Variants in ASIC2 observed in about 807,000 individuals in gnomAD.
ASIC2 encodes the protein acid sensing ion channel subunit 2, also known as acid-sensing ion channel 2.
Under a neutral mutation model 57.3 loss-of-function variants are expected in ASIC2, and 25 were observed. That is an observed-to-expected ratio of 0.44 (90% CI 0.32 to 0.61). The LOEUF is 0.61. Among genes scored for constraint, ASIC2 ranks in the 20% least tolerant of loss-of-function variants. The pLI, the probability that ASIC2 is intolerant of heterozygous loss-of-function variation, is 0.06. For missense variants in ASIC2, 641 were observed against 738.1 expected (o/e 0.87, Z 1.52); for synonymous variants, 319 against 307.5 (o/e 1.04, Z -0.39).
intron 1 of ASIC2, among the ~76,000 whole-genome samples, chr17:33,130,083 C>T (rs1034089673): frequency 3.3e-5 from 5 of 152,128 alleles, no homozygotes; most frequent in African/African-American, 1.2e-4. Flanking sequence ...CCTAGTAAAA[C>T]CCCGTGTCTC....
At chr17:33,367,373 C>T (rs1480084472) in intron 1 of ASIC2, among the ~76,000 whole-genome samples, 4 of 152,000 alleles carry the variant, frequency 2.6e-5, no homozygotes, top group South Asian at 4.2e-4. Flanking sequence ...TGGCACTAAC[C>T]CTCTGGCGTT....
intron 1 of ASIC2, among the ~76,000 whole-genome samples, chr17:34,088,609 C>G (rs1387152612): frequency 6.6e-6 from 1 of 152,216 alleles, no homozygotes; most frequent in Admixed American, 6.5e-5. Context: ...TTACTGCTGT[C>G]TTTTTGTTTG....
At chr17:34,039,748 A>T in intron 1 of ASIC2, 1 of 1,612,116 alleles carries the variant, frequency 6.2e-7, no homozygotes, top group Non-Finnish European at 8.5e-7. Context: ...CAAGGATCCG[A>T]CGCTGCACAA....
At chr17:33,091,088 A>G (rs2092155782) in intron 2 of ASIC2, among the ~76,000 whole-genome samples, 1 of 152,198 alleles carries the variant, frequency 6.6e-6, no homozygotes, top group African/African-American at 2.4e-5. Flanking sequence ...ATTCCTCAAG[A>G]GAGACCATAT....
chr17:33,079,721 T>G (rs2092104860), intron 3 of ASIC2, among the ~76,000 whole-genome samples: 1 of 152,102 alleles, frequency 6.6e-6, no homozygotes, highest in African/African-American at 2.4e-5. Context: ...TGGGGGATAA[T>G]AACAGCTAGC....
chr17:33,494,918 C>G (rs1477396510), intron 1 of ASIC2, among the ~76,000 whole-genome samples: 1 of 152,250 alleles, frequency 6.6e-6, no homozygotes, highest in Non-Finnish European at 1.5e-5. Flanking sequence ...CTGGTGGCCT[C>G]TGACCTGCTG....
chr17:33,740,286 C>T (rs138190725), intron 1 of ASIC2, among the ~76,000 whole-genome samples: 36 of 152,336 alleles, frequency 2.4e-4, no homozygotes, highest in Non-Finnish European at 4.6e-4. Context: ...AAAGGACTGC[C>T]AGAAACTGGG....
intron 1 of ASIC2, among the ~76,000 whole-genome samples, chr17:33,690,146 C>G (rs1289480596): frequency 6.6e-6 from 1 of 152,216 alleles, no homozygotes; most frequent in Non-Finnish European, 1.5e-5. Flanking sequence ...GCTTTTTTAA[C>G]TTAAAATTCT....
intron 1 of ASIC2, among the ~76,000 whole-genome samples, chr17:33,289,192 A>G (rs1175981500): frequency 2.0e-5 from 3 of 152,156 alleles, no homozygotes; most frequent in Non-Finnish European, 2.9e-5. Flanking sequence ...TGGGGAATGG[A>G]GGTAATACTT....
chr17:34,089,834 G>C (rs1266302592), intron 1 of ASIC2, among the ~76,000 whole-genome samples: 1 of 152,166 alleles, frequency 6.6e-6, no homozygotes, highest in East Asian at 1.9e-4. Flanking sequence ...CGATGGTCCA[G>C]ATCACTCTCT....
chr17:33,114,076 G>A (rs2092270872), intron 1 of ASIC2, among the ~76,000 whole-genome samples: 1 of 152,226 alleles, frequency 6.6e-6, no homozygotes, highest in Admixed American at 6.5e-5. Flanking sequence ...AGACCTGTAG[G>A]AAGGGGTAGT....
intron 1 of ASIC2, among the ~76,000 whole-genome samples, chr17:33,975,728 T>A (rs1905363042): frequency 6.6e-6 from 1 of 152,130 alleles, no homozygotes; most frequent in Non-Finnish European, 1.5e-5. Flanking sequence ...TCTCTTTGGT[T>A]TGGCTCCCAC....
chr17:34,059,190 C>A (rs2214449), intron 1 of ASIC2, among the ~76,000 whole-genome samples: 2 of 151,956 alleles, frequency 1.3e-5, no homozygotes, highest in African/African-American at 4.8e-5. Context: ...GCTCTAACTG[C>A]GGAAATGAAA....
At chr17:33,025,071 T>C (rs2091853206) in intron 5 of ASIC2, among the ~76,000 whole-genome samples, 1 of 152,124 alleles carries the variant, frequency 6.6e-6, no homozygotes. Flanking sequence ...AGTCACTCCC[T>C]CTCCTCTCAG....
intron 1 of ASIC2, among the ~76,000 whole-genome samples, chr17:33,856,645 T>C (rs1035029287): frequency 1.4e-5 from 2 of 146,126 alleles, no homozygotes; most frequent in Non-Finnish European, 3.1e-5. Flanking sequence ...AGGGTTAGGA[T>C]AAGCTAGACA....
intron 1 of ASIC2, among the ~76,000 whole-genome samples, chr17:34,063,856 C>G (rs1909062308): frequency 6.6e-6 from 1 of 152,152 alleles, no homozygotes; most frequent in Admixed American, 6.5e-5. Context: ...CTACAAAACA[C>G]TGCTGAAATA....
chr17:33,407,355 G>A (rs912880708), intron 1 of ASIC2, among the ~76,000 whole-genome samples: 8 of 152,184 alleles, frequency 5.3e-5, no homozygotes, highest in African/African-American at 1.9e-4. Context: ...TCTCAGAACT[G>A]TACTAGAGCC....
intron 1 of ASIC2, among the ~76,000 whole-genome samples, chr17:33,260,750 C>T (rs866357317): frequency 6.6e-6 from 1 of 152,218 alleles, no homozygotes; most frequent in Middle Eastern, 3.2e-3. Context: ...TTCCTTGGGA[C>T]AGCCCCCGTC....
At chr17:33,291,316 T>G in intron 1 of ASIC2, 92 bp downstream of exon 1, 1 of 1,473,302 alleles carries the variant, frequency 6.8e-7, no homozygotes, top group South Asian at 1.4e-5. Context: ...GCAAGAGGCC[T>G]GGGGACAGCC....
Sources: gnomAD v4.1 joint callset for allele counts (sites outside exome capture counted in the v4.1 genomes callset) on GRCh38, gnomAD v4.1.1 for gene constraint, MANE v1.5 for transcripts, NCBI Gene and HGNC (gene_info 2026-07-23, HGNC 2026-07-21) for gene names.